Variants in NCOR2 observed in about 807,000 individuals in gnomAD.
NCOR2 encodes the protein CTG repeat protein 26.
Under a neutral mutation model 262.9 loss-of-function variants are expected in NCOR2, and 81 were observed. The ratio of observed to expected loss-of-function variants is 0.31; its 90% CI spans 0.26 to 0.37. The LOEUF is 0.37. Among genes scored for constraint, NCOR2 ranks in the 10% least tolerant of loss-of-function variants. The pLI is 1.00. For synonymous variants in NCOR2, 1,659 were observed against 1,559.3 expected (o/e 1.06, Z -1.51); for missense variants, 3,385 against 3,621.4 (o/e 0.93, Z 1.68).
At chr12:124,475,659 G>A (rs932833889) in intron 3 of NCOR2, among the ~76,000 whole-genome samples, 1 of 152,230 alleles carries the variant, frequency 6.6e-6, no homozygotes, top group African/African-American at 2.4e-5. Context: ...GGAGCTTGCT[G>A]GAGTTTGCTG....
chr12:124,448,768 G>T (rs2045344851), intron 7 of NCOR2, among the ~76,000 whole-genome samples: 2 of 152,342 alleles, frequency 1.3e-5, no homozygotes, highest in East Asian at 1.9e-4. Flanking sequence ...TGGAAGGTTT[G>T]CACGCTTTCA....
At chr12:124,361,436 A>G (rs1427933820) in intron 22 of NCOR2, among the ~76,000 whole-genome samples, 4 of 152,248 alleles carry the variant, frequency 2.6e-5, no homozygotes, top group Non-Finnish European at 5.9e-5. Flanking sequence ...CCTAGTGGGA[A>G]GTGGGGCAGA....
Position 124,487,222 on chromosome 12 carries a change from C to T in NCOR2, c.106-654G>A, listed in dbSNP as rs376615482. 7.2e-5 allele frequency among the ~76,000 whole-genome samples: 11 copies of T among 152,326 alleles called. 1 individual carries two copies. The East Asian group carries it at 1.9e-3, about 27-fold the overall frequency. ...CCCACGCGAGGGAACGAGGCTCGGG[C>T]CTCACTCGCCAGGAGAAGGATGGAT... On this transcript the variant is annotated intron_variant, in intron 1 of 46. Coordinates refer to ENST00000405201, the Ensembl canonical transcript of NCOR2.
At chr12:124,466,811 A>G (rs1018259754) in intron 4 of NCOR2, among the ~76,000 whole-genome samples, 2 of 152,126 alleles carry the variant, frequency 1.3e-5, no homozygotes, top group East Asian at 3.9e-4. Flanking sequence ...AAGCTCCTGG[A>G]CCTCTCTAAG....
intron 13 of NCOR2, 79 bp downstream of exon 15, chr12:124,419,878 G>A (rs1292049987): frequency 7.8e-6 from 10 of 1,284,028 alleles, no homozygotes; most frequent in African/African-American, 1.5e-5. Context: ...CCAGCCATGC[G>A]GGGTGCTGGC....
At chr12:124,488,467 C>T (rs1211645713) in intron 1 of NCOR2, among the ~76,000 whole-genome samples, 2 of 152,222 alleles carry the variant, frequency 1.3e-5, no homozygotes, top group African/African-American at 2.4e-5. Flanking sequence ...GAGGCCTGCA[C>T]CTCCTACACT....
chr12:124,422,170 G>C (rs2043242283), intron 12 of NCOR2, among the ~76,000 whole-genome samples: 1 of 152,252 alleles, frequency 6.6e-6, no homozygotes, highest in Non-Finnish European at 1.5e-5. Flanking sequence ...GACGCTCCAC[G>C]TGGCCTTTGA....
At chr12:124,492,253 G>A (rs1044638003) in intron 1 of NCOR2, among the ~76,000 whole-genome samples, 7 of 152,184 alleles carry the variant, frequency 4.6e-5, no homozygotes, top group Admixed American at 3.3e-4. Flanking sequence ...CGCTTGCTGC[G>A]TGCAGACATT....
intron 21 of NCOR2, among the ~76,000 whole-genome samples, chr12:124,363,264 C>T (rs2038759503): frequency 6.6e-6 from 1 of 152,244 alleles, no homozygotes; most frequent in Non-Finnish European, 1.5e-5. Flanking sequence ...AAGGCACCTC[C>T]AAGGGCCCAC....
intron 14 of NCOR2, 131 bp downstream of exon 16, chr12:124,402,273 G>T: frequency 6.6e-7 from 1 of 1,511,200 alleles, no homozygotes. Flanking sequence ...CAAACGAGCA[G>T]AAAGCCCTCC....
intron 5 of NCOR2, among the ~76,000 whole-genome samples, chr12:124,462,250 C>T (rs575294953): frequency 6.1e-4 from 93 of 152,330 alleles, no homozygotes; most frequent in African/African-American, 2.1e-3. Flanking sequence ...CTCATCACTC[C>T]CTAGCCTCTC....
upstream of NCOR2, chr12:124,538,361 C>T (rs2051180184): frequency 6.6e-6 from 1 of 152,564 alleles, no homozygotes; most frequent in African/African-American, 2.4e-5. Context: ...GACAGGCAAC[C>T]TGTCACACTG....
intron 15 of NCOR2, among the ~76,000 whole-genome samples, chr12:124,398,791 C>T (rs1004203107): frequency 6.6e-6 from 1 of 152,202 alleles, no homozygotes; most frequent in Admixed American, 6.5e-5. Flanking sequence ...GGAGTAAAAT[C>T]GCCCATGGCG....
intron 22 of NCOR2, among the ~76,000 whole-genome samples, chr12:124,359,416 C>T (rs916271932): frequency 6.6e-6 from 1 of 152,232 alleles, no homozygotes; most frequent in Non-Finnish European, 1.5e-5. Context: ...GGCAAGAAGG[C>T]CTATGTACCA....
At chr12:124,439,281 GGAGAGAGAGACCCAGAGAGAGA>G (rs2044654294) in intron 7 of NCOR2, among the ~76,000 whole-genome samples, 13 of 74,686 alleles carry the variant, frequency 1.7e-4, no homozygotes, top group East Asian at 4.9e-4. Context: ...TGAGACAGAG[GGAGAGAGAGACCCAGAGAGAGA>G]GAGACAGAGA....
chr12:124,395,938 G>A (rs1593358307), intron 16 of NCOR2, among the ~76,000 whole-genome samples: 1 of 152,168 alleles, frequency 6.6e-6, no homozygotes, highest in Non-Finnish European at 1.5e-5. Flanking sequence ...ACAGCCACAT[G>A]GAAACAACCC....
At chr12:124,437,616 G>A (rs2044425837) in intron 8 of NCOR2, among the ~76,000 whole-genome samples, 1 of 152,110 alleles carries the variant, frequency 6.6e-6, no homozygotes, top group African/African-American at 2.4e-5. Flanking sequence ...CTCTCTTTCT[G>A]CCTGAAAAGC....
chr12:124,371,006 C>T (rs1470675506), intron 20 of NCOR2, among the ~76,000 whole-genome samples: 2 of 152,122 alleles, frequency 1.3e-5, no homozygotes, highest in African/African-American at 2.4e-5. Context: ...CCACCACGCT[C>T]GCATCTCCAT....
rs181848272 is a variant in NCOR2, at chr12:124,444,929, G to A, written c.815+4886C>T. On this transcript the variant is annotated intron_variant, in intron 7 of 46. Coordinates refer to ENST00000405201, the Ensembl canonical transcript of NCOR2. ...CTAGGAATTTGTCTGTGTGACCCTG[G>A]GGGAGTCATCTGATGTCTCTGAACA... Among the ~76,000 whole-genome samples, 366 of 152,182 alleles carry A rather than the reference G, an allele frequency of 2.4e-3. 1 individual carries two copies. Among genetic ancestry groups the A allele is most frequent in the South Asian group, 4.4e-3 (21 of 4,822 alleles).
Sources: gnomAD v4.1 joint callset for allele counts (sites outside exome capture counted in the v4.1 genomes callset) on GRCh38, gnomAD v4.1.1 for gene constraint, MANE v1.5 for transcripts, NCBI Gene and HGNC (gene_info 2026-07-23, HGNC 2026-07-21) for gene names.